LRRN3: variants seen among roughly 807,000 people sequenced by gnomAD.
LRRN3 encodes leucine-rich repeat neuronal protein 3.
A neutral mutation model predicts 40.1 loss-of-function variants in LRRN3; 15 were observed. The ratio of observed to expected loss-of-function variants is 0.37; its 90% CI spans 0.25 to 0.58. LRRN3 has a LOEUF of 0.58. Ranked by LOEUF, LRRN3 falls within the 20% of genes least tolerant of loss-of-function variation. The probability of loss-of-function intolerance (pLI) is 0.72; values close to 1 mark genes in which losing one functional copy is unlikely to be tolerated. For synonymous variants in LRRN3, 308 were observed against 297.2 expected (o/e 1.04, Z -0.37); for missense variants, 746 against 837.7 (o/e 0.89, Z 1.35).
intron 2 of LRRN3, among the ~76,000 whole-genome samples, chr7:111,100,190 T>TCTAA (rs1334247064): frequency 6.6e-6 from 1 of 151,536 alleles, no homozygotes; most frequent in Non-Finnish European, 1.5e-5. Context: ...CATGAATAAA[T>TCTAA]TATTTAGAGG....
intron 2 of LRRN3, among the ~76,000 whole-genome samples, chr7:111,105,773 A>G (rs1798480824): frequency 1.3e-5 from 2 of 151,928 alleles, no homozygotes; most frequent in Non-Finnish European, 2.9e-5. Flanking sequence ...AAAAAAATCC[A>G]TAAAAATATA....
intron 2 of LRRN3, among the ~76,000 whole-genome samples, chr7:111,114,754 G>C (rs1404770568): frequency 7.0e-6 from 1 of 143,102 alleles, no homozygotes; most frequent in Non-Finnish European, 1.5e-5. Context: ...AAAAAAAAAA[G>C]AAAGAAAGAA....
intron 2 of LRRN3, among the ~76,000 whole-genome samples, chr7:111,110,727 T>C (rs1799099195): frequency 6.6e-6 from 1 of 152,182 alleles, no homozygotes; most frequent in Non-Finnish European, 1.5e-5. Context: ...ATGTGAACTA[T>C]TTCTGCAGTA....
chr7:111,119,254 C>T (rs1162848033), intron 2 of LRRN3, among the ~76,000 whole-genome samples: 2 of 152,144 alleles, frequency 1.3e-5, no homozygotes, highest in South Asian at 2.1e-4. Flanking sequence ...TCTGGACATA[C>T]AGGGGCAATA....
At chr7:111,112,154 G>C (rs1799312323) in intron 2 of LRRN3, among the ~76,000 whole-genome samples, 1 of 151,714 alleles carries the variant, frequency 6.6e-6, no homozygotes, top group Non-Finnish European at 1.5e-5. Context: ...TTTTAGCAGA[G>C]ACTGGGTTTC....
At chr7:111,104,230 A>T (rs1480442056) in intron 2 of LRRN3, among the ~76,000 whole-genome samples, 1 of 151,614 alleles carries the variant, frequency 6.6e-6, no homozygotes, top group Non-Finnish European at 1.5e-5. Context: ...GGAAATGATG[A>T]AACTCCAGGT....
Position 111,121,502 on chromosome 7 carries a change from G to A in LRRN3, c.-358-913G>A, listed in dbSNP as rs185046397. ...AAATGATCATCATCACTGGCCATCA[G>A]AGAAATGCAAATCAAAACCACAATG... On this transcript the variant is annotated intron_variant, in intron 2 of 2. Transcript: ENST00000308478. Among the ~76,000 whole-genome samples the A allele has an allele frequency of 2.5e-3, 377 of 152,282 alleles. 3 individuals carry two copies. Among genetic ancestry groups the A allele is most frequent in the Middle Eastern group, 0.02 (6 of 294 alleles).
chr7:111,106,504 A>G (rs1020243172), intron 2 of LRRN3, among the ~76,000 whole-genome samples: 6 of 151,784 alleles, frequency 4.0e-5, no homozygotes, highest in African/African-American at 9.7e-5. Flanking sequence ...GTCTTCTACC[A>G]TCACCATTTT....
chr7:111,122,728 T>G lies in LRRN3; in HGVS notation c.-45T>G. ...CTATTGAACTTACTAGCACTGACTG[T>G]GGAATCCTTAAGGGCCCATTACATT... On this transcript the variant is annotated 5_prime_UTR_variant, in exon 3 of 3. Transcript: ENST00000308478. The G allele has an allele frequency of 3.4e-6, 5 of 1,475,864 alleles. No homozygotes were observed. The highest frequency in any genetic ancestry group is 4.7e-6 in the Non-Finnish European group (5 of 1,074,156). The allele number at this position is 1,475,864 out of a possible 1,614,324, so 91.4% of individuals were successfully genotyped here.
At chr7:111,115,464 T>C (rs1007073772) in intron 2 of LRRN3, among the ~76,000 whole-genome samples, 3 of 151,976 alleles carry the variant, frequency 2.0e-5, no homozygotes, top group African/African-American at 7.2e-5. Context: ...TTTATGAGTA[T>C]ACAGAAATGA....
At chr7:111,100,382 A>AGTAT (rs1391346382) in intron 2 of LRRN3, among the ~76,000 whole-genome samples, 2 of 149,208 alleles carry the variant, frequency 1.3e-5, no homozygotes, top group Non-Finnish European at 3.0e-5. Context: ...CAAGATCAGG[A>AGTAT]GTATATATAT....
rs267601235 is a variant in LRRN3 at position 111,123,423 on chromosome 7, G to T, written c.651G>T (p.Leu217=). The change falls in exon 3 of 3, where the codon CTG becomes CTT. Residue 217 remains leucine (L), a synonymous_variant. Transcript: ENST00000308478. The surrounding 1 kb of genome is among the most constrained non-coding windows in gnomAD (Gnocchi z 6.4). ...NFKPLINLRS[L]VIAGINLTEI... is the part of the protein sequence containing the mutation. ...AGCCTCTTATCAATCTTCGCAGCCTGGTTATAGCTGGTATAAACCTCACAG... is the reference window on the plus strand; with the variant it reads ...AGCCTCTTATCAATCTTCGCAGCCTTGTTATAGCTGGTATAAACCTCACAG... 1.7e-5 allele frequency: 27 copies of T among 1,613,370 alleles called. No homozygotes were observed. The highest frequency in any genetic ancestry group is 2.2e-5 in the Non-Finnish European group (26 of 1,179,840).
chr7:111,114,886 C>T (rs972723839), intron 2 of LRRN3, among the ~76,000 whole-genome samples: 1 of 152,038 alleles, frequency 6.6e-6, no homozygotes, highest in Non-Finnish European at 1.5e-5. Flanking sequence ...GTCACGAGGT[C>T]TCCTCCTAAC....
chr7:111,123,440 A>T lies in LRRN3; in HGVS notation c.668A>T (p.Asn223Ile), dbSNP rs770573988. The change falls in exon 3 of 3, where the codon AAC becomes ATC. Residue 223 changes from asparagine (N) to isoleucine (I), a missense_variant. By Grantham distance (149) the Asn-to-Ile change is moderately radical (BLOSUM62 -3). Coordinates refer to ENST00000308478, the MANE Select transcript of LRRN3 (RefSeq NM_001099658.2). This position sits in a 1 kb window ranked among gnomAD's most constrained non-coding sequence, Gnocchi z 6.4. ...NLRSLVIAGINLTEIPDNALV... is the reference protein window; with the variant it reads ...NLRSLVIAGIILTEIPDNALV... Reference sequence around the variant, plus strand: ...CGCAGCCTGGTTATAGCTGGTATAAACCTCACAGAAATACCAGATAACGCC... The same window carrying T: ...CGCAGCCTGGTTATAGCTGGTATAATCCTCACAGAAATACCAGATAACGCC... The T allele has an allele frequency of 6.2e-7, 1 of 1,613,484 alleles. No individual in the cohort carries two copies. The highest frequency in any genetic ancestry group is 8.5e-7 in the Non-Finnish European group (1 of 1,179,822).
chr7:111,104,384 C>G (rs189603249), intron 2 of LRRN3, among the ~76,000 whole-genome samples: 2 of 151,876 alleles, frequency 1.3e-5, no homozygotes, highest in East Asian at 3.9e-4. Context: ...TTTAGATTTA[C>G]CAAACTCTAC....
chr7:111,111,999 G>A (rs1799289001), intron 2 of LRRN3, among the ~76,000 whole-genome samples: 1 of 135,422 alleles, frequency 7.4e-6, no homozygotes, highest in Non-Finnish European at 1.5e-5. Flanking sequence ...CCAGGCTGGA[G>A]TGCAGTGGTG....
At chr7:111,103,911 T>C (rs906878651) in intron 2 of LRRN3, among the ~76,000 whole-genome samples, 5 of 151,622 alleles carry the variant, frequency 3.3e-5, no homozygotes, top group African/African-American at 1.2e-4. Context: ...GCTGCTTCTA[T>C]TGAACACCAT....
intron 1 of LRRN3, among the ~76,000 whole-genome samples, chr7:111,094,735 C>A (rs1402230634): frequency 6.6e-6 from 1 of 152,134 alleles, no homozygotes; most frequent in African/African-American, 2.4e-5. Flanking sequence ...TATTGTTAGA[C>A]ATCTACGAAG....
At chr7:111,099,989 T>G (rs1797800392) in intron 2 of LRRN3, 27 bp downstream of exon 2, 1 of 151,666 alleles carries the variant, frequency 6.6e-6, no homozygotes, top group African/African-American at 2.4e-5. Context: ...ACTCACCTCA[T>G]TTCACTTTGA....
Sources: allele counts gnomAD v4.1 joint callset (sites outside exome capture counted in the v4.1 genomes callset), GRCh38; gene constraint gnomAD v4.1.1; non-coding constraint Gnocchi (gnomAD v3.1); transcripts MANE v1.5; gene names NCBI Gene and HGNC (gene_info 2026-07-23, HGNC 2026-07-21).